The following SAMD4B variants were observed in gnomAD, a reference collection of about 807,000 sequenced individuals.
SAMD4B encodes the protein sterile alpha motif domain containing 4B.
A neutral mutation model predicts 74.5 loss-of-function variants in SAMD4B; 5 were observed. The ratio of observed to expected loss-of-function variants is 0.07; its 90% CI spans 0.04 to 0.14. The LOEUF (loss-of-function observed/expected upper bound fraction) is 0.14. SAMD4B is among the 10% of genes least tolerant of loss of function. SAMD4B has a pLI of 1.00. For synonymous variants in SAMD4B, 373 were observed against 374.9 expected (o/e 1.00, Z 0.06); for missense variants, 608 against 921.8 (o/e 0.66, Z 4.41).
At chr19:39,370,187 T>A in intron 4 of SAMD4B, 62 bp downstream of exon 4, 1 of 1,442,208 alleles carries the variant, frequency 6.9e-7, no homozygotes. Context: ...CTAGGCTCAG[T>A]GAGAGCTCTC....
At chr19:39,364,392 G>C (rs898445056) in intron 3 of SAMD4B, among the ~76,000 whole-genome samples, 8 of 152,136 alleles carry the variant, frequency 5.3e-5, no homozygotes, top group African/African-American at 1.9e-4. Context: ...CCGTCACTGA[G>C]CCACAGACTG....
intron 3 of SAMD4B, among the ~76,000 whole-genome samples, chr19:39,368,789 T>C (rs2077124073): frequency 6.6e-6 from 1 of 152,218 alleles, no homozygotes; most frequent in South Asian, 2.1e-4. Context: ...AAAGCAACAC[T>C]GTGAATTGGG....
intron 12 of SAMD4B, chr19:39,381,414 C>T (rs1385259921): frequency 3.7e-6 from 1 of 273,734 alleles, no homozygotes; most frequent in Non-Finnish European, 6.9e-6. Context: ...TCTTTGTCAT[C>T]ATCTCTTTCT....
At chr19:39,358,504 C>T (rs2145444803) in intron 3 of SAMD4B, among the ~76,000 whole-genome samples, 1 of 152,038 alleles carries the variant, frequency 6.6e-6, no homozygotes, top group East Asian at 1.9e-4. Context: ...CCCACCTCAG[C>T]CTCCCAAAGT....
At chr19:39,389,992 A>C, downstream of SAMD4B, 1 of 1,233,258 alleles carries the variant, frequency 8.1e-7, no homozygotes, top group South Asian at 1.2e-5. This position sits in a 1 kb window ranked among gnomAD's most constrained non-coding sequence, Gnocchi z 5.3. Context: ...CCCTGAGCAG[A>C]CAGCAGCCAA....
At chr19:39,390,417 G>T, downstream of SAMD4B, 1 of 846,894 alleles carries the variant, frequency 1.2e-6, no homozygotes, top group Non-Finnish European at 1.9e-6. Context: ...TGGTGGTGTG[G>T]GGAGTGTCCA....
rs2078189155 is a variant in SAMD4B, at chr19:39,384,619, G to C, written c.*1092G>C. 6.6e-6 allele frequency: 1 copy of C among 152,518 alleles called. No homozygotes were observed. The highest frequency in any genetic ancestry group is 1.5e-5 in the Non-Finnish European group (1 of 68,050). The allele number at this position is 152,518 out of a possible 1,614,324, so 9.4% of individuals were successfully genotyped here. ...AACCCAGAGATTCGTCCCAGCCCCA[G>C]AGTCCGACAGACTGTCTGGTCCCTA... On this transcript the variant is annotated 3_prime_UTR_variant, in exon 14 of 14. Transcript: ENST00000610417.
At chr19:39,343,260 C>G (rs532504390) in intron 1 of SAMD4B, among the ~76,000 whole-genome samples, 1 of 151,832 alleles carries the variant, frequency 6.6e-6, no homozygotes, top group South Asian at 2.1e-4. Flanking sequence ...TTCCCTCCCA[C>G]TTACCCCATT....
chr19:39,375,956 G>A lies in SAMD4B; in HGVS notation c.907+67G>A. On this transcript the variant is annotated intron_variant, in intron 5 of 13. Coordinates refer to ENST00000610417, the MANE Select transcript of SAMD4B (RefSeq NM_001384574.2). The surrounding 1 kb of genome is among the most constrained non-coding windows in gnomAD (Gnocchi z 4.1). ...TTCTGCAGAGCTTAGAGGACAGAAA[G>A]GAGCTTGTAGCTGACACCTGCTTAC... The A allele has an allele frequency of 6.4e-7, 1 of 1,561,230 alleles. No homozygotes were observed. Among genetic ancestry groups the A allele is most frequent in the Non-Finnish European group, 8.6e-7 (1 of 1,156,996 alleles).
intron 3 of SAMD4B, among the ~76,000 whole-genome samples, chr19:39,357,326 C>T (rs1217660770): frequency 2.0e-5 from 3 of 152,012 alleles, no homozygotes; most frequent in African/African-American, 7.3e-5. Context: ...CTGGAAACTC[C>T]CCATAACAGG....
chr19:39,350,426 T>C (rs1470307429), intron 1 of SAMD4B: 2 of 152,238 alleles, frequency 1.3e-5, no homozygotes, highest in Non-Finnish European at 2.9e-5. Flanking sequence ...TTTCTCACTG[T>C]TTGGGGCCAG....
intron 1 of SAMD4B, 41 bp downstream of exon 1, chr19:39,342,617 G>C (rs1362261434): frequency 6.8e-6 from 1 of 147,908 alleles, no homozygotes; most frequent in Non-Finnish European, 1.5e-5. Flanking sequence ...GCGGCGAGTC[G>C]GGGCGCGCGG....
intron 3 of SAMD4B, among the ~76,000 whole-genome samples, chr19:39,366,355 C>T (rs2076963977): frequency 6.6e-6 from 1 of 152,036 alleles, no homozygotes; most frequent in African/African-American, 2.4e-5. Context: ...CCTGTAATCC[C>T]AGCTACTTGG....
At chr19:39,369,493 G>A in intron 3 of SAMD4B, 162 bp from the exon 4 acceptor site, 1 of 629,254 alleles carries the variant, frequency 1.6e-6, no homozygotes, top group Non-Finnish European at 2.8e-6. Flanking sequence ...GGGTCAGTGT[G>A]TTTGATCTCA....
intron 12 of SAMD4B, among the ~76,000 whole-genome samples, chr19:39,381,904 C>T (rs1278470574): frequency 6.6e-6 from 1 of 152,154 alleles, no homozygotes; most frequent in Non-Finnish European, 1.5e-5. Context: ...TGCACTGCAG[C>T]CAGGGCGACA....
At chr19:39,388,250 G>A, downstream of SAMD4B, 1 of 1,317,338 alleles carries the variant, frequency 7.6e-7, no homozygotes, top group Non-Finnish European at 1.1e-6. Flanking sequence ...AAATTCTTAG[G>A]TACAAATGAC....
intron 1 of SAMD4B, among the ~76,000 whole-genome samples, chr19:39,343,053 A>G (rs1470030690): frequency 6.6e-6 from 1 of 151,558 alleles, no homozygotes; most frequent in East Asian, 2.0e-4. Flanking sequence ...TGTCTCCAGA[A>G]ATAGTCCTCG....
chr19:39,376,563 C>A lies in SAMD4B; in HGVS notation c.1017+17C>A, dbSNP rs763279092. 20 of 1,606,052 alleles carry A rather than the reference C, an allele frequency of 1.2e-5. No homozygotes were observed. Among genetic ancestry groups the A allele is most frequent in the Middle Eastern group, 1.7e-4 (1 of 6,042 alleles). On this transcript the variant is annotated intron_variant, in intron 6 of 13. Coordinates refer to ENST00000610417, the MANE Select transcript of SAMD4B (RefSeq NM_001384574.2). The stretch of plus-strand genomic sequence containing the variant: ...GAGTCTCAGGTGAAGCCAAGGGGAC[C>A]ATCAGGGAGGTGCTGGGGGCAGCGC...
intron 12 of SAMD4B, among the ~76,000 whole-genome samples, chr19:39,382,817 G>A (rs925846252): frequency 6.6e-6 from 1 of 152,150 alleles, no homozygotes; most frequent in African/African-American, 2.4e-5. Flanking sequence ...TTTAGCTTTT[G>A]CACCAAGTAC....
Sources: allele counts gnomAD v4.1 joint callset (sites outside exome capture counted in the v4.1 genomes callset), GRCh38; gene constraint gnomAD v4.1.1; non-coding constraint Gnocchi (gnomAD v3.1); transcripts MANE v1.5; gene names NCBI Gene and HGNC (gene_info 2026-07-23, HGNC 2026-07-21).